Variants in ASTN2 observed in about 807,000 individuals in gnomAD.
The protein encoded by ASTN2 is astrotactin 2, also known as astrotactin-2.
Under a neutral mutation model 139.8 loss-of-function variants are expected in ASTN2, and 54 were observed. That is an observed-to-expected ratio of 0.39 (90% CI 0.31 to 0.48). The LOEUF (loss-of-function observed/expected upper bound fraction) is 0.48, where lower values mean the gene tolerates loss of function less well. Ranked by LOEUF, ASTN2 falls within the 20% of genes least tolerant of loss-of-function variation. The pLI, the probability that ASTN2 is intolerant of heterozygous loss-of-function variation, is 0.95. For synonymous variants in ASTN2, 756 were observed against 719.5 expected, an observed-to-expected ratio of 1.05 and a Z score of -0.81; for missense variants, 1,565 against 1,725.1, an observed-to-expected ratio of 0.91 and a Z score of 1.64.
intron 13 of ASTN2, among the ~76,000 whole-genome samples, chr9:116,757,650 A>T (rs1300386640): frequency 6.6e-6 from 1 of 152,134 alleles, no homozygotes; most frequent in East Asian, 1.9e-4. Context: ...TGTAGGGCTC[A>T]TCGTCTTATT....
In ASTN2 at chr9:117,414,637, G is replaced by C. The variant is rs1327464285; in HGVS notation, c.302C>G (p.Ala101Gly). 7.1e-7 allele frequency: 1 copy of C among 1,400,582 alleles called. No homozygotes were observed. Among genetic ancestry groups the C allele is most frequent in the African/African-American group, 1.5e-5 (1 of 66,992 alleles). The allele number at this position is 1,400,582 out of a possible 1,614,324, so 86.8% of individuals were successfully genotyped here. A position where few individuals can be genotyped will look rare whatever the true frequency, so the allele number is the denominator to read the frequency against. The change falls in exon 1 of 23, where the codon GCC becomes GGC. Residue 101 changes from alanine (A) to glycine (G), a missense_variant. Physicochemically the swap from Ala to Gly is moderately conservative, Grantham distance 60 (BLOSUM62 0). Around this residue, in one of 4 missense-constraint regions of ASTN2, gnomAD observed 596 missense variants for 576.8 expected, o/e 1.03. Transcript: ENST00000313400. This position sits in a 1 kb window ranked among gnomAD's most constrained non-coding sequence, Gnocchi z 4.2. ...GCCAGGAGAGCCCGGGGACGCGGCG[G>C]CGGCGGCGGCTCCGGCCCCGGTCCC... ...GAGTGAGAAA[A>G]AASPGSPGSA...
At chr9:116,870,368 C>G (rs1462582810) in intron 10 of ASTN2, among the ~76,000 whole-genome samples, 1 of 152,146 alleles carries the variant, frequency 6.6e-6, no homozygotes, top group Non-Finnish European at 1.5e-5. Flanking sequence ...GATATAATAA[C>G]ATGATATAGA....
intron 17 of ASTN2, among the ~76,000 whole-genome samples, chr9:116,637,121 C>T (rs1042235825): frequency 6.6e-6 from 1 of 152,078 alleles, no homozygotes; most frequent in Non-Finnish European, 1.5e-5. Flanking sequence ...AATAAAATTC[C>T]GTATAAATTA....
intron 10 of ASTN2, among the ~76,000 whole-genome samples, chr9:116,962,827 G>C (rs1475760222): frequency 1.3e-5 from 2 of 152,322 alleles, no homozygotes; most frequent in East Asian, 3.9e-4. Context: ...TGATGGTAGA[G>C]TGTTTATAGG....
chr9:116,971,576 GA>G (rs1356228131), intron 10 of ASTN2, among the ~76,000 whole-genome samples: 1 of 152,100 alleles, frequency 6.6e-6, no homozygotes, highest in Admixed American at 6.5e-5. Flanking sequence ...AGAATTTATA[GA>G]CTCATTTAAG....
chr9:117,164,999 C>T (rs896155577), intron 3 of ASTN2, among the ~76,000 whole-genome samples: 4 of 152,040 alleles, frequency 2.6e-5, no homozygotes, highest in Admixed American at 1.3e-4. Flanking sequence ...ACCACACTTC[C>T]CCCAAGAAGA....
intron 10 of ASTN2, among the ~76,000 whole-genome samples, chr9:116,887,903 A>C (rs1328807783): frequency 1.3e-5 from 2 of 152,120 alleles, no homozygotes; most frequent in Non-Finnish European, 2.9e-5. Context: ...CCTGAGCTCA[A>C]GGGATCCACC....
intron 2 of ASTN2, among the ~76,000 whole-genome samples, chr9:117,216,818 G>T (rs1229727972): frequency 6.6e-6 from 1 of 152,042 alleles, no homozygotes; most frequent in Non-Finnish European, 1.5e-5. Context: ...GGAAAGGGCT[G>T]GGGGCAACAC....
chr9:116,947,098 C>T (rs1165784166), intron 10 of ASTN2, among the ~76,000 whole-genome samples: 1 of 152,114 alleles, frequency 6.6e-6, no homozygotes, highest in Non-Finnish European at 1.5e-5. Context: ...AAGGGACATT[C>T]TACCTGATGT....
chr9:117,100,362 T>C (rs1038253112), intron 4 of ASTN2, among the ~76,000 whole-genome samples: 1 of 152,232 alleles, frequency 6.6e-6, no homozygotes, highest in Non-Finnish European at 1.5e-5. Context: ...AGAAATATAA[T>C]GCAAACCACA....
chr9:116,709,937 T>C (rs968378641), intron 16 of ASTN2, among the ~76,000 whole-genome samples: 17 of 152,200 alleles, frequency 1.1e-4, no homozygotes, highest in South Asian at 2.1e-4. Flanking sequence ...AAATGAAACA[T>C]GCCACATTTC....
At chr9:117,180,521 A>C (rs539046464) in intron 3 of ASTN2, 14 of 627,616 alleles carry the variant, frequency 2.2e-5, no homozygotes, top group Non-Finnish European at 2.5e-5. Flanking sequence ...TTCCTCTGTG[A>C]TCCTGGAATA....
chr9:117,236,880 C>A (rs926497762), intron 2 of ASTN2, among the ~76,000 whole-genome samples: 2 of 152,152 alleles, frequency 1.3e-5, no homozygotes, highest in African/African-American at 4.8e-5. Context: ...GTAAATGCTA[C>A]ATAAATATTA....
At chr9:117,334,141 G>T (rs1386791237) in intron 1 of ASTN2, among the ~76,000 whole-genome samples, 1 of 152,170 alleles carries the variant, frequency 6.6e-6, no homozygotes, top group Non-Finnish European at 1.5e-5. Context: ...AAGGGGTGTG[G>T]CTATTTTCCA....
intron 1 of ASTN2, among the ~76,000 whole-genome samples, chr9:117,365,201 G>GGGAAGGAAGGAA (rs144764400): frequency 2.2e-5 from 3 of 138,412 alleles, no homozygotes; most frequent in Non-Finnish European, 4.7e-5. Flanking sequence ...AAAAAATGAA[G>GGGAAGGAAGGAA]GGAAGGAAGG....
chr9:117,048,092 C>G (rs1331907199), intron 5 of ASTN2, among the ~76,000 whole-genome samples: 1 of 152,130 alleles, frequency 6.6e-6, no homozygotes, highest in Non-Finnish European at 1.5e-5. Flanking sequence ...ATGTCAGGGT[C>G]CAAGCTCTTA....
At chr9:116,787,332 T>G (rs1257516274) in intron 13 of ASTN2, among the ~76,000 whole-genome samples, 1 of 152,256 alleles carries the variant, frequency 6.6e-6, no homozygotes, top group African/African-American at 2.4e-5. Context: ...ATTCTTTCTC[T>G]GCCCCTTTAA....
chr9:116,701,206 C>T (rs1588222002), intron 16 of ASTN2: 2 of 166,996 alleles, frequency 1.2e-5, no homozygotes, highest in Admixed American at 1.3e-4. Context: ...CTGAGCTGCT[C>T]AAAATTGTTT....
chr9:116,955,534 C>T (rs1297897753), intron 10 of ASTN2, among the ~76,000 whole-genome samples: 2 of 152,210 alleles, frequency 1.3e-5, no homozygotes, highest in African/African-American at 2.4e-5. Context: ...GTAGTGAATG[C>T]TTGTCAGTTA....
Sources: allele counts gnomAD v4.1 joint callset (sites outside exome capture counted in the v4.1 genomes callset), GRCh38; gene constraint gnomAD v4.1.1; regional missense constraint gnomAD v4.1.1; non-coding constraint Gnocchi (gnomAD v3.1); transcripts MANE v1.5; gene names NCBI Gene and HGNC (gene_info 2026-07-23, HGNC 2026-07-21).